EHBP1: variants seen among roughly 807,000 people sequenced by gnomAD.
The protein encoded by EHBP1 is EH domain-binding protein 1.
EHBP1 carries 55 observed loss-of-function variants against 144.0 expected under a neutral mutation model. The ratio of observed to expected loss-of-function variants is 0.38; its 90% CI spans 0.31 to 0.48. The LOEUF is 0.48. Ranked by LOEUF, EHBP1 falls within the 20% of genes least tolerant of loss-of-function variation. The pLI is 0.98. For missense variants in EHBP1, 1,200 were observed against 1,364.2 expected, an observed-to-expected ratio of 0.88 and a Z score of 1.90; for synonymous variants, 469 against 472.7, an observed-to-expected ratio of 0.99 and a Z score of 0.10.
intron 5 of EHBP1, among the ~76,000 whole-genome samples, chr2:62,787,217 TAATA>T (rs2042868317): frequency 6.6e-6 from 1 of 152,220 alleles, no homozygotes; most frequent in Non-Finnish European, 1.5e-5. Context: ...GAATTATACT[TAATA>T]AATATCATTT....
intron 3 of EHBP1, among the ~76,000 whole-genome samples, chr2:62,758,962 A>G (rs1226294439): frequency 6.6e-6 from 1 of 152,240 alleles, no homozygotes; most frequent in East Asian, 1.9e-4. Context: ...TTTCACTGAA[A>G]TATTTCAATT....
At chr2:62,852,491 C>A (rs1182371556) in intron 7 of EHBP1, among the ~76,000 whole-genome samples, 2 of 151,648 alleles carry the variant, frequency 1.3e-5, no homozygotes, top group Non-Finnish European at 2.9e-5. Context: ...ATAAATAATA[C>A]TAATATACAT....
intron 13 of EHBP1, among the ~76,000 whole-genome samples, chr2:62,950,618 G>T (rs1412498770): frequency 6.6e-6 from 1 of 151,900 alleles, no homozygotes; most frequent in Non-Finnish European, 1.5e-5. Flanking sequence ...AGAGTTTTTT[G>T]GGATCCTCAA....
intron 1 of EHBP1, among the ~76,000 whole-genome samples, chr2:62,683,089 AT>A (rs2033587930): frequency 6.6e-6 from 1 of 152,034 alleles, no homozygotes; most frequent in African/African-American, 2.4e-5. Flanking sequence ...TATACTGAAA[AT>A]TTTAGGCTTA....
chr2:62,951,290 G>A (rs2057367477), intron 13 of EHBP1, among the ~76,000 whole-genome samples: 1 of 152,090 alleles, frequency 6.6e-6, no homozygotes, highest in South Asian at 2.1e-4. Flanking sequence ...GTTTTCAGAG[G>A]TGTCAAGAAA....
chr2:62,935,631 A>T (rs544273980), intron 10 of EHBP1, among the ~76,000 whole-genome samples: 80 of 152,162 alleles, frequency 5.3e-4, no homozygotes, highest in Non-Finnish European at 9.7e-4. Context: ...ATACTCAATT[A>T]TATTATTTGT....
chr2:62,809,720 T>C (rs1194050831), intron 5 of EHBP1, among the ~76,000 whole-genome samples: 1 of 152,180 alleles, frequency 6.6e-6, no homozygotes, highest in Non-Finnish European at 1.5e-5. Context: ...TACTCAATGT[T>C]TAGTTCCCAC....
chr2:62,875,278 C>G (rs1265640694), intron 10 of EHBP1, among the ~76,000 whole-genome samples: 1 of 152,188 alleles, frequency 6.6e-6, no homozygotes, highest in Non-Finnish European at 1.5e-5. Context: ...ATCTCAGGCC[C>G]TCGAGCACAG....
chr2:62,715,197 C>T (rs527393227), intron 2 of EHBP1, among the ~76,000 whole-genome samples: 8 of 152,288 alleles, frequency 5.3e-5, no homozygotes, highest in Non-Finnish European at 7.4e-5. Context: ...TCACTGCAGC[C>T]TCCACCTCCC....
chr2:62,794,238 A>C (rs1183203231), intron 5 of EHBP1, among the ~76,000 whole-genome samples: 1 of 152,076 alleles, frequency 6.6e-6, no homozygotes, highest in African/African-American at 2.4e-5. Flanking sequence ...CTCAAAAGTC[A>C]GTCACAATAT....
At chr2:63,016,260 G>T (rs1190487469) in intron 19 of EHBP1, among the ~76,000 whole-genome samples, 3 of 152,086 alleles carry the variant, frequency 2.0e-5, no homozygotes, top group Non-Finnish European at 4.4e-5. Flanking sequence ...TAAATATGGT[G>T]TTATAGTTCT....
In EHBP1 at chr2:62,762,778, CCT is replaced by C. The variant is rs557770070; in HGVS notation, c.163-1487_163-1486del. 8.6e-4 allele frequency among the ~76,000 whole-genome samples: 131 copies of C among 152,268 alleles called. 2 individuals carry two copies. The highest frequency in any genetic ancestry group is 2.9e-3 in the African/African-American group (120 of 41,566). On this transcript the variant is annotated intron_variant, in intron 3 of 22. Transcript: ENST00000431489. ...TTGCAGTCGCTTTTTAATTGATCTC[CCT>C]GTTTCTCTCTTATGTTTGGAACCTG...
In EHBP1 at chr2:62,826,112, C is replaced by G; in HGVS notation, c.338C>G (p.Ala113Gly). The change falls in exon 6 of 23, where the codon GCT becomes GGT. Residue 113 changes from alanine to glycine, a missense_variant. Physicochemically the swap from Ala to Gly is moderately conservative, Grantham distance 60. Coordinates refer to ENST00000431489, the MANE Select transcript of EHBP1 (RefSeq NM_001142616.3). ...GAATCCCCTTCTGGTCGAAGGAAAG[C>G]TCTTGCTACTAGCAGCATCAATATG... The part of the protein sequence containing the change: ...ENESPSGRRK[A>G]LATSSINMKQ... 1.3e-6 allele frequency: 2 copies of G among 1,508,200 alleles called. No individual in the cohort carries two copies. The highest frequency in any genetic ancestry group is 1.8e-6 in the Non-Finnish European group (2 of 1,128,524). 93.4% of individuals were successfully genotyped at this position (1,508,200 alleles called of 1,614,324 possible). A position where few individuals can be genotyped will look rare whatever the true frequency, so the allele number is the denominator to read the frequency against.
chr2:62,890,630 A>G (rs2052378566), intron 10 of EHBP1, among the ~76,000 whole-genome samples: 1 of 152,160 alleles, frequency 6.6e-6, no homozygotes, highest in Non-Finnish European at 1.5e-5. Context: ...AGCTAAAGAA[A>G]CTTTTGGGCC....
intron 5 of EHBP1, among the ~76,000 whole-genome samples, chr2:62,806,767 C>T (rs992560560): frequency 6.6e-6 from 1 of 151,496 alleles, no homozygotes; most frequent in Non-Finnish European, 1.5e-5. Context: ...CTTTTAGTTC[C>T]CCCAGAGTTT....
chr2:62,962,027 C>CA (rs1364099620), intron 14 of EHBP1, among the ~76,000 whole-genome samples: 1 of 151,792 alleles, frequency 6.6e-6, no homozygotes, highest in African/African-American at 2.4e-5. Flanking sequence ...GACTCTGTCT[C>CA]AAAAAAATAA....
At position 62,959,463 on chromosome 2, in the gene EHBP1, A is replaced by G. The variant is rs991256543; in HGVS notation, c.2460+3803A>G. Among the ~76,000 whole-genome samples, 3 of 152,264 alleles carry G rather than the reference A, an allele frequency of 2.0e-5. No individual in the cohort carries two copies. In the South Asian group the frequency reaches 6.2e-4, roughly 32 times the overall value. The stretch of plus-strand genomic sequence containing the variant: ...TGAGGCACCTTCATATTGTTTTTCC[A>G]TAACAGTTGCACTATTTTATATTAC... On this transcript the variant is annotated intron_variant, in intron 14 of 22. Coordinates refer to ENST00000431489, the MANE Select transcript of EHBP1 (RefSeq NM_001142616.3).
rs1268259134 is a variant in EHBP1, at chr2:62,874,369, A to C, written c.1022A>C (p.Lys341Thr). The C allele has an allele frequency of 6.2e-7, 1 of 1,601,298 alleles. No homozygotes were observed. The highest frequency in any genetic ancestry group is 8.5e-7 in the Non-Finnish European group (1 of 1,174,842). The change falls in exon 10 of 23, where the codon AAA (lysine) becomes ACA (threonine). Residue 341 changes from lysine (K) to threonine (T), a missense_variant. Lys to Thr is a moderately conservative substitution (Grantham distance 78). Transcript: ENST00000431489. ...LDESNPFYEP[K>T]STPPPNNLVN... ...AGATCAAATCCTTTTTATGAACCTA[A>C]ATCAACTCCTCCTCCAAATAATTTG...
chr2:62,993,473 T>G, intron 16 of EHBP1, 57 bp from the exon 17 acceptor site: 1 of 1,370,682 alleles, frequency 7.3e-7, no homozygotes, highest in Non-Finnish European at 9.6e-7. Context: ...CTTACTAATG[T>G]GTAATTTTAT....
Sources: gnomAD v4.1 joint callset for allele counts (sites outside exome capture counted in the v4.1 genomes callset) on GRCh38, gnomAD v4.1.1 for gene constraint, MANE v1.5 for transcripts, NCBI Gene and HGNC (gene_info 2026-07-23, HGNC 2026-07-21) for gene names.